The following SFT2D2 variants were observed in gnomAD, a reference collection of about 807,000 sequenced individuals.
SFT2D2 encodes SFT2 domain containing 2.
A neutral mutation model predicts 27.4 loss-of-function variants in SFT2D2; 21 were observed. The observed-to-expected ratio is 0.77, with a 90% CI of 0.54 to 1.10. The LOEUF (loss-of-function observed/expected upper bound fraction) is 1.10, where lower values mean the gene tolerates loss of function less well. Ranked by LOEUF, SFT2D2 falls within the 50% of genes least tolerant of loss-of-function variation. The pLI is 0.00. For synonymous variants in SFT2D2, 72 were observed against 71.7 expected, an observed-to-expected ratio of 1.00 and a Z score of -0.02; for missense variants, 187 against 194.2, an observed-to-expected ratio of 0.96 and a Z score of 0.22.
Position 168,226,032 on chromosome 1 carries a change from G to T in SFT2D2, c.-48G>T, listed in dbSNP as rs1367905564. The T allele has an allele frequency of 6.1e-6, 9 of 1,463,662 alleles. No homozygotes were observed. The South Asian group carries it at 6.7e-5, about 11-fold the overall frequency. The allele number at this position is 1,463,662 out of a possible 1,614,324, so 90.7% of individuals were successfully genotyped here. ...CGGAAGAGCCGTCAACTTAGCGAGC[G>T]CAACAGGCTGCCGCTGAGGAGCTGG... On this transcript the variant is annotated 5_prime_UTR_variant, in exon 1 of 8. Transcript: ENST00000271375.
intron 6 of SFT2D2, among the ~76,000 whole-genome samples, chr1:168,237,949 A>G (rs1374062092): frequency 6.6e-6 from 1 of 151,800 alleles, no homozygotes; most frequent in African/African-American, 2.4e-5. Flanking sequence ...TGGTACCTAT[A>G]TACACACACC....
At chr1:168,229,033 A>G (rs1700487248) in intron 1 of SFT2D2, among the ~76,000 whole-genome samples, 1 of 152,220 alleles carries the variant, frequency 6.6e-6, no homozygotes, top group South Asian at 2.1e-4. Flanking sequence ...AACCACATGT[A>G]ATGGAAAAAT....
At chr1:168,240,092 G>A (rs1477830128) in intron 7 of SFT2D2, among the ~76,000 whole-genome samples, 1 of 150,844 alleles carries the variant, frequency 6.6e-6, no homozygotes, top group African/African-American at 2.4e-5. Flanking sequence ...GGAGAATGGC[G>A]TGAACCCAGG....
chr1:168,242,371 T>C, intron 7 of SFT2D2, 130 bp from the exon 8 acceptor site: 1 of 943,048 alleles, frequency 1.1e-6, no homozygotes, highest in South Asian at 1.3e-5. Flanking sequence ...AAGCTGCAGT[T>C]TGATGCTGTG....
In SFT2D2 at chr1:168,250,478, G is replaced by A. The variant is rs141864001; in HGVS notation, c.*7938G>A. On this transcript the variant is annotated 3_prime_UTR_variant, in exon 8 of 8. Coordinates refer to ENST00000271375, the MANE Select transcript of SFT2D2 (RefSeq NM_199344.3). ...GGGCTTGCTGCATTTTGGAAGTTAAGGGAACCAATAAGGTGACTCTTTTGC... is the reference window on the plus strand; with the variant it reads ...GGGCTTGCTGCATTTTGGAAGTTAAAGGAACCAATAAGGTGACTCTTTTGC... 2.3e-3 allele frequency: 347 copies of A among 152,390 alleles called. 1 individual carries two copies. The highest frequency in any genetic ancestry group is 4.0e-3 in the Non-Finnish European group (274 of 68,142). The allele number at this position is 152,390 out of a possible 1,614,324, so 9.4% of individuals were successfully genotyped here.
Position 168,242,544 on chromosome 1 carries a change from A to T in SFT2D2, c.*4A>T, listed in dbSNP as rs185876328. ...TTTTGCCGTGTGTCTTGCATAATTC[A>T]TGGCCAGTTTTATGAAGCTTTGGAA... On this transcript the variant is annotated 3_prime_UTR_variant, in exon 8 of 8. Coordinates refer to ENST00000271375, the MANE Select transcript of SFT2D2 (RefSeq NM_199344.3). The T allele has an allele frequency of 9.0e-4, 1,452 of 1,614,102 alleles. 15 individuals carry two copies. Among genetic ancestry groups the T allele is most frequent in the Non-Finnish European group, 1.2e-4 (138 of 1,180,004 alleles).
chr1:168,235,262 A>G, intron 4 of SFT2D2, 80 bp downstream of exon 4: 1 of 1,339,626 alleles, frequency 7.5e-7, no homozygotes, highest in Non-Finnish European at 1.1e-6. Flanking sequence ...TTTTAAATCT[A>G]AAGACCTCTT....
chr1:168,237,327 T>A (rs1470629626), intron 6 of SFT2D2, among the ~76,000 whole-genome samples: 1 of 152,146 alleles, frequency 6.6e-6, no homozygotes, highest in Non-Finnish European at 1.5e-5. Flanking sequence ...TTGTTGGCTT[T>A]TGGTAATTCA....
Position 168,231,694 on chromosome 1 carries a change from C to T in SFT2D2, c.150+94C>T, listed in dbSNP as rs114849441. On this transcript the variant is annotated intron_variant, in intron 2 of 7. Transcript: ENST00000271375. ...ACCTCCTTTCCCCTTTTGCCCTTCA[C>T]TAAAATGCATGGATGAGAGGAGAGG... 8.2e-5 allele frequency: 121 copies of T among 1,468,988 alleles called. No individual in the cohort carries two copies. In the African/African-American group the frequency reaches 1.5e-3, roughly 18 times the overall value. 91.0% of individuals were successfully genotyped at this position (1,468,988 alleles called of 1,614,324 possible).
chr1:168,239,018 A>C, intron 6 of SFT2D2, 113 bp from the exon 7 acceptor site: 1 of 799,364 alleles, frequency 1.3e-6, no homozygotes. Context: ...TGAGTATGGG[A>C]GAGGGTCTGG....
chr1:168,242,460 G>T, intron 7 of SFT2D2, 41 bp from the exon 8 acceptor site: 5 of 1,613,554 alleles, frequency 3.1e-6, no homozygotes, highest in African/African-American at 1.3e-5. Context: ...TGCCTTTGGG[G>T]TGATGACGTT....
intron 7 of SFT2D2, among the ~76,000 whole-genome samples, chr1:168,240,174 C>CA (rs71299093): frequency 0.098 from 10,088 of 103,068 alleles, 525 homozygotes; most frequent in South Asian, 0.17. Flanking sequence ...GACTCTGTCT[C>CA]AAAAAAAAAA....
intron 7 of SFT2D2, among the ~76,000 whole-genome samples, chr1:168,239,760 G>A (rs1490146431): frequency 6.6e-5 from 10 of 151,470 alleles, no homozygotes; most frequent in Admixed American, 4.6e-4. Context: ...TTTCAGTGAC[G>A]GACCTCTCAA....
At chr1:168,231,638 C>T in intron 2 of SFT2D2, 38 bp downstream of exon 2, 1 of 1,591,458 alleles carries the variant, frequency 6.3e-7, no homozygotes. Flanking sequence ...TTCCTTCTAC[C>T]TGTCTTTGCT....
chr1:168,228,884 C>T (rs1207590534), intron 1 of SFT2D2, among the ~76,000 whole-genome samples: 2 of 152,154 alleles, frequency 1.3e-5, no homozygotes, highest in African/African-American at 4.8e-5. Context: ...TTCCAGCAGT[C>T]ATGAATTTAC....
intron 6 of SFT2D2, 110 bp downstream of exon 6, chr1:168,236,880 GTTTAA>G (rs55947108): frequency 0.62 from 776,019 of 1,261,624 alleles, 246,777 homozygotes; most frequent in Non-Finnish European, 0.66. Flanking sequence ...CACAGAAGCT[GTTTAA>G]TTTAAGGATT....
Position 168,245,205 on chromosome 1 carries a change from A to G in SFT2D2, c.*2665A>G, listed in dbSNP as rs1257153724. The G allele has an allele frequency of 6.6e-6, 1 of 152,202 alleles. No homozygotes were observed. The highest frequency in any genetic ancestry group is 1.5e-5 in the Non-Finnish European group (1 of 68,038). The allele number at this position is 152,202 out of a possible 1,614,324, so 9.4% of individuals were successfully genotyped here. On this transcript the variant is annotated 3_prime_UTR_variant, in exon 8 of 8. Coordinates refer to ENST00000271375, the MANE Select transcript of SFT2D2 (RefSeq NM_199344.3). ...ACAGATATTATCATCTATGTAGAAA[A>G]CCAAATCAAATCCATTACTAAGTTA...
In SFT2D2 at chr1:168,246,394, G is replaced by T; in HGVS notation, c.*3854G>T. 3 of 694,726 alleles carry T rather than the reference G, an allele frequency of 4.3e-6. No individual in the cohort carries two copies. Among genetic ancestry groups the T allele is most frequent in the Non-Finnish European group, 6.6e-6 (3 of 452,828 alleles). The allele number at this position is 694,726 out of a possible 1,614,324, so 43.0% of individuals were successfully genotyped here. A position where few individuals can be genotyped will look rare whatever the true frequency, so the allele number is the denominator to read the frequency against. Reference sequence around the variant, plus strand: ...TCTGTGCATTTTTCTACTTTATCTTGGCCACTTGTGTACATTTTTTCAATG... The same window carrying T: ...TCTGTGCATTTTTCTACTTTATCTTTGCCACTTGTGTACATTTTTTCAATG... On this transcript the variant is annotated 3_prime_UTR_variant, in exon 8 of 8. Transcript: ENST00000271375.
At chr1:168,229,924 C>A (rs1054259224) in intron 1 of SFT2D2, among the ~76,000 whole-genome samples, 3 of 152,174 alleles carry the variant, frequency 2.0e-5, no homozygotes, top group Non-Finnish European at 4.4e-5. Flanking sequence ...TTTACCTCAG[C>A]GTAAAACCAG....
Sources: gnomAD v4.1 joint callset for allele counts (sites outside exome capture counted in the v4.1 genomes callset) on GRCh38, gnomAD v4.1.1 for gene constraint, MANE v1.5 for transcripts, NCBI Gene and HGNC (gene_info 2026-07-23, HGNC 2026-07-21) for gene names.